MPP2: variants seen among roughly 807,000 people sequenced by gnomAD.
MPP2 encodes MAGUK p55 subfamily member 2.
In MPP2, 42 loss-of-function variants were observed where a neutral mutation model predicts 58.5. The ratio of observed to expected loss-of-function variants is 0.72; its 90% CI spans 0.56 to 0.93. The LOEUF is 0.93. MPP2 is among the 40% of genes least tolerant of loss of function. The pLI is 0.00. For missense variants in MPP2, 632 were observed against 760.4 expected, an observed-to-expected ratio of 0.83 and a Z score of 1.99; for synonymous variants, 300 against 307.8, an observed-to-expected ratio of 0.97 and a Z score of 0.26.
chr17:43,881,998 C>A (rs1036787400), intron 6 of MPP2, among the ~76,000 whole-genome samples: 3 of 152,212 alleles, frequency 2.0e-5, no homozygotes, highest in Non-Finnish European at 4.4e-5. Flanking sequence ...ACCCTGCGCA[C>A]GCGCACAAAC....
intron 3 of MPP2, chr17:43,884,047 T>C (rs2047262716): frequency 1.4e-6 from 1 of 696,272 alleles, no homozygotes; most frequent in African/African-American, 1.8e-5. Flanking sequence ...CCTCTGAATC[T>C]TTGAAAGATC....
At chr17:43,903,502 T>A (rs894641043) in intron 2 of MPP2, among the ~76,000 whole-genome samples, 1 of 151,618 alleles carries the variant, frequency 6.6e-6, no homozygotes, top group African/African-American at 2.4e-5. Flanking sequence ...GAGACCAGCA[T>A]GGGCAACATT....
chr17:43,905,569 T>C (rs918625325), intron 1 of MPP2: 1 of 152,302 alleles, frequency 6.6e-6, no homozygotes, highest in African/African-American at 2.4e-5. Context: ...CTTCTTCCCT[T>C]TGCCTTCCTG....
chr17:43,898,199 C>T (rs763985284), intron 3 of MPP2, 63 bp downstream of exon 3: 4 of 1,250,882 alleles, frequency 3.2e-6, no homozygotes, highest in Admixed American at 1.7e-5. Context: ...AGCTAATACC[C>T]CATCCCCTAC....
chr17:43,899,846 C>T (rs2048013691), intron 2 of MPP2, among the ~76,000 whole-genome samples: 1 of 151,994 alleles, frequency 6.6e-6, no homozygotes, highest in African/African-American at 2.4e-5. Flanking sequence ...CAGGCTGTGG[C>T]AAGTTCCGGG....
rs2047046922 is a variant in MPP2, at chr17:43,880,236, AT to A, written c.1151-253del. Reference sequence around the variant, plus strand: ...GAGAGGCTGAGGTCCAGAAAGGGCAATGTACAGCCCAAAGCCACACAGCAAG... The same window carrying A: ...GAGAGGCTGAGGTCCAGAAAGGGCAAGTACAGCCCAAAGCCACACAGCAAG... On this transcript the variant is annotated intron_variant, in intron 10 of 12. Transcript: ENST00000269095. The surrounding 1 kb of genome is among the most constrained non-coding windows in gnomAD (Gnocchi z 5.2). 6.6e-6 allele frequency among the ~76,000 whole-genome samples: 1 copy of A among 152,052 alleles called. No individual in the cohort carries two copies. The highest frequency in any genetic ancestry group is 1.5e-5 in the Non-Finnish European group (1 of 68,008).
At chr17:43,901,999 T>G (rs571090072) in intron 2 of MPP2, among the ~76,000 whole-genome samples, 2 of 152,172 alleles carry the variant, frequency 1.3e-5, no homozygotes, top group Non-Finnish European at 2.9e-5. Flanking sequence ...GAGCCTGAAC[T>G]CAGAGGCAGG....
chr17:43,881,214 T>G (rs774509683), intron 8 of MPP2, 30 bp downstream of exon 8: 1 of 1,613,296 alleles, frequency 6.2e-7, no homozygotes. Context: ...GATCCCAGAT[T>G]GGAGGTGTGG....
rs201201938 is a variant in MPP2 at position 43,887,477 on chromosome 17, G to GGGA, written c.151-4125_151-4123dup. 8.6e-3 allele frequency among the ~76,000 whole-genome samples: 1,310 copies of GGGA among 151,518 alleles called. 14 individuals carry two copies. Among genetic ancestry groups the GGGA allele is most frequent in the African/African-American group, 0.029 (1,213 of 41,312 alleles). On this transcript the variant is annotated intron_variant, in intron 3 of 12. Transcript: ENST00000269095. The stretch of plus-strand genomic sequence containing the variant: ...TTTTGTTTTTTTGTTTTTTTTTTAA[G>GGGA]GGAGGGCTTTTCCCATATACAGAGC...
At chr17:43,881,207 C>T in intron 8 of MPP2, 37 bp downstream of exon 8, 1 of 1,613,554 alleles carries the variant, frequency 6.2e-7, no homozygotes, top group Non-Finnish European at 8.5e-7. Context: ...CCTGTTGGAT[C>T]CCAGATTGGA....
At chr17:43,878,113 G>T in intron 12 of MPP2, 130 bp from the exon 13 acceptor site, 1 of 1,029,488 alleles carries the variant, frequency 9.7e-7, no homozygotes, top group Non-Finnish European at 1.4e-6. Context: ...TGGCTAGGGA[G>T]GCAGGGGCCC....
intron 12 of MPP2, among the ~76,000 whole-genome samples, chr17:43,878,814 C>A (rs992708408): frequency 6.6e-6 from 1 of 152,194 alleles, no homozygotes. Context: ...TGCAATGAGG[C>A]CTTGAAGCCT....
chr17:43,885,182 C>G (rs543704286), intron 3 of MPP2, among the ~76,000 whole-genome samples: 1 of 148,428 alleles, frequency 6.7e-6, no homozygotes, highest in East Asian at 2.0e-4. Flanking sequence ...ACTCCTCTTT[C>G]TCTCCTTCTC....
At chr17:43,878,165 GGTGA>G (rs1391799927) in intron 12 of MPP2, among the ~76,000 whole-genome samples, 182 bp from the exon 13 acceptor site, 1 of 152,130 alleles carries the variant, frequency 6.6e-6, no homozygotes, top group African/African-American at 2.4e-5. Context: ...AACCACAGAT[GGTGA>G]GTGAAAGGGA....
intron 2 of MPP2, among the ~76,000 whole-genome samples, chr17:43,903,783 G>A (rs1044193090): frequency 1.3e-5 from 2 of 152,212 alleles, no homozygotes; most frequent in Non-Finnish European, 2.9e-5. Context: ...TACAGCCTTT[G>A]CGTCTCACAG....
intron 1 of MPP2, chr17:43,907,107 G>A: frequency 3.2e-6 from 3 of 938,902 alleles, no homozygotes; most frequent in Non-Finnish European, 3.8e-6. Context: ...ACCCCCGGAA[G>A]CGCTAACAGC....
chr17:43,881,234 G>T lies in MPP2; in HGVS notation c.919+10C>A. On this transcript the variant is annotated intron_variant, in intron 8 of 12. Coordinates refer to ENST00000269095, the MANE Select transcript of MPP2 (RefSeq NM_005374.5). ...CAGATTGGAGGTGTGGGGTAGGGGG[G>T]ACCTCCTACCTGAGTTTGGTGTCAG... 1 of 1,611,480 alleles carries T rather than the reference G, an allele frequency of 6.2e-7. No individual in the cohort carries two copies. Among genetic ancestry groups the T allele is most frequent in the Non-Finnish European group, 8.5e-7 (1 of 1,177,612 alleles).
At chr17:43,909,006 G>A (rs976027), upstream of MPP2, among the ~76,000 whole-genome samples, 944 of 152,278 alleles carry the variant, frequency 6.2e-3, 4 homozygotes, top group Non-Finnish European at 0.01. Context: ...TTCTTGGAGC[G>A]CATTGCTTGC....
intron 2 of MPP2, among the ~76,000 whole-genome samples, chr17:43,898,987 T>G (rs1216735716): frequency 6.6e-6 from 1 of 150,620 alleles, no homozygotes; most frequent in African/African-American, 2.4e-5. Flanking sequence ...GGCTCACGCC[T>G]GTAATCCCAG....
Sources: allele counts gnomAD v4.1 joint callset (sites outside exome capture counted in the v4.1 genomes callset), GRCh38; gene constraint gnomAD v4.1.1; non-coding constraint Gnocchi (gnomAD v3.1); transcripts MANE v1.5; gene names NCBI Gene and HGNC (gene_info 2026-07-23, HGNC 2026-07-21).